The following ASIC2 variants were observed in gnomAD, a reference collection of about 807,000 sequenced individuals.
The protein encoded by ASIC2 is acid-sensing ion channel 2.
In ASIC2, 25 loss-of-function variants were observed where a neutral mutation model predicts 57.3. The observed-to-expected ratio is 0.44, with a 90% CI of 0.32 to 0.61. The LOEUF is 0.61. Among genes scored for constraint, ASIC2 ranks in the 20% least tolerant of loss-of-function variants. The pLI is 0.06. For synonymous variants in ASIC2, 319 were observed against 307.5 expected, an observed-to-expected ratio of 1.04 and a Z score of -0.39; for missense variants, 641 against 738.1, an observed-to-expected ratio of 0.87 and a Z score of 1.52.
Position 33,017,671 on chromosome 17 carries a change from A to G in ASIC2, c.1455T>C (p.Gly485=), listed in dbSNP as rs767037832. Residue 485 remains glycine (G), a synonymous_variant, in exon 8 of 10, where the codon GGT becomes GGC. Coordinates refer to ENST00000225823, the MANE Select transcript of ASIC2 (RefSeq NM_183377.2). ...TAGCACCAATGAACAATCCCATCTGACCACCAATATCACCTGGAGAGAGAG... is the reference window on the plus strand; with the variant it reads ...TAGCACCAATGAACAATCCCATCTGGCCACCAATATCACCTGGAGAGAGAG... ...EVAALLGDIG[G]QMGLFIGASI... 1 of 1,613,488 alleles carries G rather than the reference A, an allele frequency of 6.2e-7. No individual in the cohort carries two copies. The highest frequency in any genetic ancestry group is 2.2e-5 in the East Asian group (1 of 44,882).
chr17:34,049,025 C>CAGT (rs1908442224), intron 1 of ASIC2, among the ~76,000 whole-genome samples: 3 of 152,070 alleles, frequency 2.0e-5, no homozygotes, highest in Non-Finnish European at 2.9e-5. Flanking sequence ...TGCCCAGGAG[C>CAGT]AGTAGCTCAC....
At chr17:33,870,787 C>T (rs149101726) in intron 1 of ASIC2, among the ~76,000 whole-genome samples, 14 of 152,190 alleles carry the variant, frequency 9.2e-5, no homozygotes, top group African/African-American at 3.4e-4. Flanking sequence ...ATAAACTTAC[C>T]TTGTTAGATG....
intron 1 of ASIC2, chr17:33,572,274 G>T (rs1916473537): frequency 6.6e-6 from 1 of 151,094 alleles, no homozygotes; most frequent in Non-Finnish European, 1.5e-5. Flanking sequence ...CAACCCGACA[G>T]ACCCCGGCTT....
At chr17:33,876,206 G>A (rs1458975065) in intron 1 of ASIC2, among the ~76,000 whole-genome samples, 1 of 152,088 alleles carries the variant, frequency 6.6e-6, no homozygotes, top group Non-Finnish European at 1.5e-5. Flanking sequence ...ACACCATAGG[G>A]ACACAGTGAG....
At chr17:33,245,595 G>A (rs1004150100) in intron 1 of ASIC2, among the ~76,000 whole-genome samples, 2 of 152,204 alleles carry the variant, frequency 1.3e-5, no homozygotes, top group Admixed American at 6.5e-5. Flanking sequence ...CAGGAATGAT[G>A]TTCAGGAATG....
At chr17:33,151,254 G>A (rs1904786243) in intron 1 of ASIC2, among the ~76,000 whole-genome samples, 1 of 150,370 alleles carries the variant, frequency 6.7e-6, no homozygotes, top group Non-Finnish European at 1.5e-5. Flanking sequence ...TACACCTCTA[G>A]TCTCAGCTAC....
intron 1 of ASIC2, among the ~76,000 whole-genome samples, chr17:33,599,101 T>A (rs553010281): frequency 6.6e-6 from 1 of 152,346 alleles, no homozygotes; most frequent in East Asian, 1.9e-4. Context: ...CCTTGATATC[T>A]GCACTGTTTA....
chr17:33,245,155 G>A (rs1285369896), intron 1 of ASIC2, among the ~76,000 whole-genome samples: 1 of 152,184 alleles, frequency 6.6e-6, no homozygotes, highest in East Asian at 1.9e-4. Flanking sequence ...TCCTGGGACT[G>A]CTCATCATAG....
Position 34,156,247 on chromosome 17 carries a change from C to A in ASIC2, c.286G>T (p.Gly96Cys). The change falls in exon 1 of 10, where the codon GGC becomes TGC. Residue 96 changes from glycine (G) to cysteine (C), a missense_variant. Physicochemically the swap from Gly to Cys is radical, Grantham distance 159. Transcript: ENST00000359872. The surrounding 1 kb of genome is among the most constrained non-coding windows in gnomAD (Gnocchi z 4.4). ...GTGGTGAGCCTGGAGAACCGGAAGC[C>A]ATTCAGGTTACAGAGGGTCACAGCT... is the stretch of plus-strand genomic sequence containing the variant. 6.2e-7 allele frequency: 1 copy of A among 1,614,126 alleles called. No homozygotes were observed. Among genetic ancestry groups the A allele is most frequent in the Non-Finnish European group, 8.5e-7 (1 of 1,180,020 alleles).
intron 1 of ASIC2, among the ~76,000 whole-genome samples, chr17:33,632,914 A>G (rs891438647): frequency 2.6e-5 from 4 of 152,158 alleles, no homozygotes; most frequent in African/African-American, 7.2e-5. Context: ...TTAATCTTCA[A>G]ATATAGTTGG....
intron 1 of ASIC2, among the ~76,000 whole-genome samples, chr17:33,901,696 T>C (rs1915234266): frequency 6.6e-6 from 1 of 152,170 alleles, no homozygotes; most frequent in Non-Finnish European, 1.5e-5. Flanking sequence ...AGTTCCAGAA[T>C]TCTAAAGGTG....
At chr17:34,023,151 A>G (rs1319699015) in intron 1 of ASIC2, among the ~76,000 whole-genome samples, 1 of 152,048 alleles carries the variant, frequency 6.6e-6, no homozygotes, top group African/African-American at 2.4e-5. Flanking sequence ...GTAGTTCTTT[A>G]CACAATGTGA....
rs1910628809 is a variant in ASIC2, at chr17:34,098,530, C to T, written c.555+57448G>A. 2.6e-5 allele frequency among the ~76,000 whole-genome samples: 4 copies of T among 152,058 alleles called. No individual in the cohort carries two copies. In the South Asian group the frequency reaches 8.3e-4, roughly 32 times the overall value. On this transcript the variant is annotated intron_variant, in intron 1 of 9. Coordinates refer to the ASIC2 transcript ENST00000359872. ...AGGGCGAATGTGCTCAGGGAAGGGC[C>T]CTGGGAGACAAGTTACTCACAGGCT...
rs116172887 is a variant in ASIC2 at position 33,921,913 on chromosome 17, C to A, written c.555+234065G>T. 2.4e-3 allele frequency among the ~76,000 whole-genome samples: 371 copies of A among 152,212 alleles called. 1 individual carries two copies. The highest frequency in any genetic ancestry group is 8.5e-3 in the African/African-American group (352 of 41,522). ...CCCTCTCTCTTGAAGCAGCCCCTCCCTACCTCCAACCAACCAAGAGCAATG... is the reference window on the plus strand; with the variant it reads ...CCCTCTCTCTTGAAGCAGCCCCTCCATACCTCCAACCAACCAAGAGCAATG... On this transcript the variant is annotated intron_variant, in intron 1 of 9. Transcript: ENST00000359872.
rs116111167 is a variant in ASIC2 at position 33,639,423 on chromosome 17, C to T, written c.555+516555G>A. 5.3e-3 allele frequency among the ~76,000 whole-genome samples: 804 copies of T among 152,240 alleles called. 7 individuals are homozygous for T. The highest frequency in any genetic ancestry group is 0.018 in the African/African-American group (760 of 41,528). The stretch of plus-strand genomic sequence containing the variant: ...ATGTGAACTTTTTACTCTTTTTCTT[C>T]GTTCCAAATCTTCCCTGAGAAAAGT... On this transcript the variant is annotated intron_variant, in intron 1 of 9. Coordinates refer to the ASIC2 transcript ENST00000359872.
rs551023167 is a variant in ASIC2, at chr17:33,766,389, G to A, written c.555+389589C>T. Among the ~76,000 whole-genome samples, 18 of 152,306 alleles carry A rather than the reference G, an allele frequency of 1.2e-4. No homozygotes were observed. The South Asian group carries it at 3.5e-3, about 30-fold the overall frequency. ...GAGGGACTGCTGTACTCAAAGAGAA[G>A]CAGATCACACTCTCCAAGTGGTTTC... is the stretch of plus-strand genomic sequence containing the variant. On this transcript the variant is annotated intron_variant, in intron 1 of 9. Transcript: ENST00000359872.
chr17:33,834,395 T>A (rs1483789542), intron 1 of ASIC2: 1 of 152,198 alleles, frequency 6.6e-6, no homozygotes, highest in Non-Finnish European at 1.5e-5. Flanking sequence ...CCATTGGAGA[T>A]CTCTAGAAGC....
At chr17:33,315,015 G>C (rs1906586445) in intron 1 of ASIC2, among the ~76,000 whole-genome samples, 1 of 152,154 alleles carries the variant, frequency 6.6e-6, no homozygotes, top group African/African-American at 2.4e-5. Context: ...TTTGGCATCA[G>C]AGAAACTTCA....
chr17:33,792,447 C>G (rs760375122), intron 1 of ASIC2: 1 of 152,190 alleles, frequency 6.6e-6, no homozygotes, highest in Non-Finnish European at 1.5e-5. Flanking sequence ...GCTGGAGAAC[C>G]GGCTGACTTC....
Sources: allele counts gnomAD v4.1 joint callset (sites outside exome capture counted in the v4.1 genomes callset), GRCh38; gene constraint gnomAD v4.1.1; non-coding constraint Gnocchi (gnomAD v3.1); transcripts MANE v1.5; gene names NCBI Gene and HGNC (gene_info 2026-07-23, HGNC 2026-07-21).